SOX6: variants seen among roughly 807,000 people sequenced by gnomAD.
SOX6 encodes the protein transcription factor SOX-6.
In SOX6, 11 loss-of-function variants were observed where a neutral mutation model predicts 97.8. The ratio of observed to expected loss-of-function variants is 0.11; its 90% CI spans 0.07 to 0.19. The LOEUF (loss-of-function observed/expected upper bound fraction) is 0.19. SOX6 is among the 10% of genes least tolerant of loss of function. SOX6 has a pLI of 1.00. For missense variants in SOX6, 810 were observed against 1,039.5 expected, an observed-to-expected ratio of 0.78 and a Z score of 3.04; for synonymous variants, 360 against 371.4, an observed-to-expected ratio of 0.97 and a Z score of 0.35.
chr11:16,588,100 G>T (rs556433924), intron 4 of SOX6, among the ~76,000 whole-genome samples: 18 of 152,296 alleles, frequency 1.2e-4, no homozygotes, highest in African/African-American at 4.1e-4. Context: ...TAGTGTTATC[G>T]TTTTTGCTCA....
intron 4 of SOX6, among the ~76,000 whole-genome samples, chr11:16,587,254 G>A (rs532069060): frequency 8.5e-5 from 13 of 152,266 alleles, no homozygotes; most frequent in Admixed American, 3.9e-4. Flanking sequence ...ATTTGGTTCT[G>A]CCATTTAATG....
intron 1 of SOX6, among the ~76,000 whole-genome samples, chr11:16,471,452 A>C (rs200493800): frequency 1.1e-5 from 1 of 93,808 alleles, no homozygotes; most frequent in Non-Finnish European, 2.3e-5. Flanking sequence ...CTTATCTCAC[A>C]GACAGACTTG....
At chr11:16,129,000 A>G (rs1009278397) in intron 6 of SOX6, among the ~76,000 whole-genome samples, 1 of 149,152 alleles carries the variant, frequency 6.7e-6, no homozygotes, top group African/African-American at 2.5e-5. Flanking sequence ...AGCTGGGATT[A>G]TAGGCATGCA....
At chr11:16,440,957 T>G (rs1859492761) in intron 1 of SOX6, among the ~76,000 whole-genome samples, 1 of 152,164 alleles carries the variant, frequency 6.6e-6, no homozygotes, top group African/African-American at 2.4e-5. Flanking sequence ...TCATACTGCC[T>G]GTCAAATTGG....
At chr11:16,158,865 G>GGTGT (rs10549567) in intron 6 of SOX6, among the ~76,000 whole-genome samples, 2,031 of 145,990 alleles carry the variant, frequency 0.014, 29 homozygotes, top group African/African-American at 0.039. Flanking sequence ...TGAAGTTACA[G>GGTGT]GTGTGTGTGT....
Position 16,226,337 on chromosome 11 carries a change from G to GT in SOX6, c.535+8244dup, listed in dbSNP as rs545867195. Among the ~76,000 whole-genome samples, 887 of 105,426 alleles carry GT rather than the reference G, an allele frequency of 8.4e-3. 5 individuals are homozygous for GT. Among genetic ancestry groups the GT allele is most frequent in the African/African-American group, 0.03 (822 of 27,288 alleles). The allele number at this position is 105,426 out of a possible 152,430, so 69.2% of individuals were successfully genotyped here. A position where few individuals can be genotyped will look rare whatever the true frequency, so the allele number is the denominator to read the frequency against. On this transcript the variant is annotated intron_variant, in intron 4 of 15. Coordinates refer to ENST00000683767, the MANE Select transcript of SOX6 (RefSeq NM_001367873.1). The stretch of plus-strand genomic sequence containing the variant: ...TTGTGTTTTTTTTGTTTTTGTTTTT[G>GT]TTTTTTTTTTCTCTCTTATCTTCTG...
At chr11:16,513,459 T>C (rs546548129) in intron 4 of SOX6, among the ~76,000 whole-genome samples, 13 of 151,564 alleles carry the variant, frequency 8.6e-5, no homozygotes, top group East Asian at 5.9e-4. Context: ...ATGGTGAAAC[T>C]CCATCTCTAC....
chr11:16,306,675 G>C (rs34630229), intron 3 of SOX6, among the ~76,000 whole-genome samples: 2 of 136,320 alleles, frequency 1.5e-5, no homozygotes, highest in South Asian at 4.8e-4. Context: ...ACCCAGGCTA[G>C]AGTGCAGTGG....
chr11:16,733,690 A>G (rs1051065933), intron 2 of SOX6, among the ~76,000 whole-genome samples: 4 of 144,936 alleles, frequency 2.8e-5, no homozygotes, highest in South Asian at 4.5e-4. Context: ...ACAAACCTTC[A>G]TGTTCTGCAC....
At chr11:16,352,659 G>A (rs1341009100) in intron 1 of SOX6, among the ~76,000 whole-genome samples, 2 of 152,142 alleles carry the variant, frequency 1.3e-5, no homozygotes, top group African/African-American at 4.8e-5. Context: ...ATTATTATCT[G>A]AATTATTCTT....
At chr11:16,531,761 C>T (rs1025998704) in intron 4 of SOX6, among the ~76,000 whole-genome samples, 2 of 151,880 alleles carry the variant, frequency 1.3e-5, no homozygotes, top group Admixed American at 6.6e-5. Context: ...CTCATACTCG[C>T]TAATCTTTTT....
chr11:16,314,039 G>A (rs987304891), intron 3 of SOX6: 1 of 151,878 alleles, frequency 6.6e-6, no homozygotes, highest in African/African-American at 2.4e-5. Flanking sequence ...ATCCTAAACA[G>A]TGCAGCCAGA....
intron 14 of SOX6, among the ~76,000 whole-genome samples, chr11:15,988,503 T>C (rs1313827506): frequency 2.0e-5 from 3 of 152,242 alleles, no homozygotes; most frequent in Non-Finnish European, 4.4e-5. Context: ...TTGCACTCCA[T>C]GAATTTCATA....
intron 13 of SOX6, 98 bp from the exon 14 acceptor site, chr11:15,989,328 T>C (rs1432333718): frequency 3.3e-6 from 3 of 913,892 alleles, no homozygotes; most frequent in East Asian, 5.3e-5. Context: ...TTTCCCCAGG[T>C]CCTCCTCTTC....
At chr11:16,061,222 G>A (rs1590168348) in intron 9 of SOX6, among the ~76,000 whole-genome samples, 2 of 148,842 alleles carry the variant, frequency 1.3e-5, no homozygotes, top group East Asian at 4.0e-4. Context: ...TAGCTTCACT[G>A]AACAGTAGTA....
At chr11:16,327,750 A>G (rs1232273492) in intron 2 of SOX6, among the ~76,000 whole-genome samples, 1 of 152,146 alleles carries the variant, frequency 6.6e-6, no homozygotes, top group Non-Finnish European at 1.5e-5. Context: ...ATCAGATGTC[A>G]GGAATTAAGA....
chr11:16,732,460 G>A (rs1324124876), intron 2 of SOX6, among the ~76,000 whole-genome samples: 3 of 151,962 alleles, frequency 2.0e-5, no homozygotes, highest in African/African-American at 4.8e-5. Context: ...GATCTTTGAC[G>A]AACCTGACAC....
intron 3 of SOX6, among the ~76,000 whole-genome samples, chr11:16,693,966 T>G (rs1041555058): frequency 1.3e-5 from 2 of 152,214 alleles, no homozygotes; most frequent in Non-Finnish European, 2.9e-5. Flanking sequence ...CATGTAACAT[T>G]CTATGCTAGA....
chr11:15,989,498 T>C (rs1231966994), intron 13 of SOX6, among the ~76,000 whole-genome samples: 1 of 152,186 alleles, frequency 6.6e-6, no homozygotes, highest in Admixed American at 6.5e-5. Context: ...CACAGAGCAA[T>C]GAATGACATT....
Sources: allele counts gnomAD v4.1 joint callset (sites outside exome capture counted in the v4.1 genomes callset), GRCh38; gene constraint gnomAD v4.1.1; transcripts MANE v1.5; gene names NCBI Gene and HGNC (gene_info 2026-07-23, HGNC 2026-07-21).